The following EMC2 variants were observed in gnomAD, a reference collection of about 807,000 sequenced individuals.
EMC2 encodes TPR repeat protein 35.
A neutral mutation model predicts 51.6 loss-of-function variants in EMC2; 37 were observed. That is an observed-to-expected ratio of 0.72 (90% CI 0.55 to 0.94). The LOEUF (loss-of-function observed/expected upper bound fraction) is 0.94. Ranked by LOEUF, EMC2 falls within the 40% of genes least tolerant of loss-of-function variation. EMC2 has a pLI of 0.00. For synonymous variants in EMC2, 131 were observed against 112.4 expected (o/e 1.17, Z -1.04); for missense variants, 359 against 350.9 (o/e 1.02, Z -0.18).
At chr8:108,457,327 T>TGC (rs1554617524) in intron 5 of EMC2, among the ~76,000 whole-genome samples, 6 of 85,386 alleles carry the variant, frequency 7.0e-5, no homozygotes, top group Admixed American at 3.8e-4. Context: ...TGTGCGTGTG[T>TGC]GTGCGTGTGT....
chr8:108,459,866 A>T (rs1422003441), intron 5 of EMC2, among the ~76,000 whole-genome samples: 1 of 152,148 alleles, frequency 6.6e-6, no homozygotes, highest in African/African-American at 2.4e-5. Context: ...AATAAAAAAT[A>T]AAAATAAGAA....
chr8:108,449,370 T>A (rs1818961423), intron 1 of EMC2, among the ~76,000 whole-genome samples: 1 of 151,988 alleles, frequency 6.6e-6, no homozygotes, highest in Admixed American at 6.6e-5. Flanking sequence ...CCTCCTGGGT[T>A]CAAGCGATTC....
intron 5 of EMC2, among the ~76,000 whole-genome samples, chr8:108,457,321 CGTGTGTGTGCGTGTGTGTGTGTGTGT>C (rs1387936096): frequency 9.1e-5 from 10 of 109,912 alleles, no homozygotes; most frequent in Non-Finnish European, 1.8e-4. Context: ...TAGGGATGTG[CGTGTGTGTGCGTGTGTGTGTGTGTGT>C]GTGTGTGTGT....
intron 7 of EMC2, among the ~76,000 whole-genome samples, chr8:108,471,939 T>C (rs1328793433): frequency 6.6e-6 from 1 of 151,998 alleles, no homozygotes; most frequent in Non-Finnish European, 1.5e-5. Context: ...CTGGATACTA[T>C]GATTCTTTTT....
At chr8:108,456,788 TAC>T (rs1379663926) in intron 5 of EMC2, among the ~76,000 whole-genome samples, 1 of 152,202 alleles carries the variant, frequency 6.6e-6, no homozygotes, top group Admixed American at 6.5e-5. Flanking sequence ...ACTAAAAAGT[TAC>T]AGAGAGACTT....
At chr8:108,464,177 C>T (rs960067123) in intron 5 of EMC2, 11 of 152,164 alleles carry the variant, frequency 7.2e-5, no homozygotes, top group Non-Finnish European at 1.3e-4. Context: ...CAGCCAGTTC[C>T]CCCACTGTAA....
At position 108,488,374 on chromosome 8, in the gene EMC2, G is replaced by A. The variant is rs1043547977; in HGVS notation, c.*1776G>A. 3.9e-5 allele frequency among the ~76,000 whole-genome samples: 6 copies of A among 151,954 alleles called. No homozygotes were observed. Among genetic ancestry groups the A allele is most frequent in the Non-Finnish European group, 8.8e-5 (6 of 67,992 alleles). On this transcript the variant is annotated 3_prime_UTR_variant, in exon 11 of 11. Transcript: ENST00000220853. ...GGGGTTTCACCATGTTGGCCAGGCT[G>A]GTCTGAAACTCCTGGCCTCAAGTGA...
intron 1 of EMC2, 127 bp downstream of exon 1, chr8:108,443,825 C>G (rs1005692527): frequency 1.3e-6 from 1 of 781,168 alleles, no homozygotes; most frequent in African/African-American, 1.7e-5. Context: ...ACTGTACGGG[C>G]CAAGCTGAGG....
At chr8:108,449,986 CTTTT>C in intron 2 of EMC2, 50 bp downstream of exon 2, 3 of 493,502 alleles carry the variant, frequency 6.1e-6, no homozygotes, top group East Asian at 3.6e-5. Flanking sequence ...ATTCATGGGC[CTTTT>C]TTTTTTTTTA....
chr8:108,476,515 A>T (rs556156805), intron 8 of EMC2, among the ~76,000 whole-genome samples: 1 of 151,922 alleles, frequency 6.6e-6, no homozygotes, highest in African/African-American at 2.4e-5. Flanking sequence ...AATAGAAATT[A>T]TTCTGGCTTT....
chr8:108,450,949 C>T (rs1819002996), intron 3 of EMC2, among the ~76,000 whole-genome samples: 1 of 152,096 alleles, frequency 6.6e-6, no homozygotes, highest in South Asian at 2.1e-4. Flanking sequence ...CACCTGTAAT[C>T]CCAGCACTTT....
intron 1 of EMC2, among the ~76,000 whole-genome samples, chr8:108,448,959 A>G (rs1293600112): frequency 6.6e-6 from 1 of 152,116 alleles, no homozygotes. Context: ...AACAAACTTT[A>G]AAGTTCTCTA....
chr8:108,474,479 T>C (rs547424104), intron 7 of EMC2: 3 of 152,026 alleles, frequency 2.0e-5, no homozygotes, highest in African/African-American at 7.2e-5. Context: ...ATACCTATCA[T>C]GTGTCAAGAA....
At chr8:108,475,625 T>C (rs1299534329) in intron 7 of EMC2, 4 of 345,416 alleles carry the variant, frequency 1.2e-5, no homozygotes, top group Non-Finnish European at 2.1e-5. Context: ...GACCCAGTTT[T>C]TGAAATGTAG....
At chr8:108,479,549 T>C (rs1341695791) in intron 10 of EMC2, among the ~76,000 whole-genome samples, 1 of 152,186 alleles carries the variant, frequency 6.6e-6, no homozygotes, top group Non-Finnish European at 1.5e-5. Context: ...TCAGATCCTT[T>C]ACTGAAACTT....
intron 7 of EMC2, chr8:108,474,748 T>C (rs1810918385): frequency 6.6e-6 from 1 of 151,942 alleles, no homozygotes; most frequent in Non-Finnish European, 1.5e-5. Context: ...ATAAGCAGCA[T>C]ATGTAGTGGT....
At chr8:108,457,162 C>T (rs1819185920) in intron 5 of EMC2, among the ~76,000 whole-genome samples, 1 of 152,242 alleles carries the variant, frequency 6.6e-6, no homozygotes, top group South Asian at 2.1e-4. Flanking sequence ...CTTTGATATT[C>T]TGTAATGATA....
At chr8:108,485,564 CACACAT>C (rs1228528238) in intron 10 of EMC2, among the ~76,000 whole-genome samples, 1 of 117,278 alleles carries the variant, frequency 8.5e-6, no homozygotes, top group Non-Finnish European at 1.8e-5. Context: ...TACACACACA[CACACAT>C]ACACACACAA....
intron 1 of EMC2, among the ~76,000 whole-genome samples, chr8:108,448,220 T>C (rs1165796932): frequency 6.6e-6 from 1 of 152,202 alleles, no homozygotes; most frequent in African/African-American, 2.4e-5. Flanking sequence ...AAAGGTAATA[T>C]TATCTCTATT....
Sources: allele counts gnomAD v4.1 joint callset (sites outside exome capture counted in the v4.1 genomes callset), GRCh38; gene constraint gnomAD v4.1.1; transcripts MANE v1.5; gene names NCBI Gene and HGNC (gene_info 2026-07-23, HGNC 2026-07-21).